Variants in POC1B observed in about 807,000 individuals in gnomAD.
POC1B encodes the protein POC1 centriolar protein homolog B.
POC1B carries 44 observed loss-of-function variants against 60.6 expected under a neutral mutation model. The observed-to-expected ratio is 0.73, with a 90% CI of 0.57 to 0.93. The LOEUF is 0.93. Among genes scored for constraint, POC1B ranks in the 40% least tolerant of loss-of-function variants. The pLI, the probability that POC1B is intolerant of heterozygous loss-of-function variation, is 0.00. For missense variants in POC1B, 555 were observed against 572.3 expected (o/e 0.97, Z 0.31); for synonymous variants, 180 against 198.9 (o/e 0.90, Z 0.80).
rs555480807 is a variant in POC1B, at chr12:89,421,055, G to A, written c.*98C>T. 3.3e-5 allele frequency: 29 copies of A among 877,058 alleles called. No homozygotes were observed. The South Asian group carries it at 5.2e-4, about 16-fold the overall frequency. 54.3% of individuals were successfully genotyped at this position (877,058 alleles called of 1,614,324 possible). A position where few individuals can be genotyped will look rare whatever the true frequency, so the allele number is the denominator to read the frequency against. On this transcript the variant is annotated 3_prime_UTR_variant, in exon 12 of 12. Coordinates refer to ENST00000313546, the MANE Select transcript of POC1B (RefSeq NM_172240.3). ...GAAATGCCATGATAAATAGCACATG[G>A]TTGTGTTGTATGGAGTATCTTGTAC...
At chr12:89,523,847 C>A in intron 2 of POC1B, 1 of 1,546,784 alleles carries the variant, frequency 6.5e-7, no homozygotes, top group African/African-American at 1.4e-5. Context: ...TCCAGCCAAC[C>A]GGAATTACAC....
chr12:89,503,895 C>G (rs1869750293), intron 2 of POC1B, among the ~76,000 whole-genome samples: 1 of 151,532 alleles, frequency 6.6e-6, no homozygotes, highest in African/African-American at 2.4e-5. Flanking sequence ...GCCGCCCTGT[C>G]TGAGAAGTGA....
chr12:89,419,602 A>G (rs1880447947), downstream of POC1B: 2 of 152,194 alleles, frequency 1.3e-5, no homozygotes, highest in Admixed American at 1.3e-4. Context: ...AGGGCCCAGG[A>G]AACTGTTTTG....
At chr12:89,443,826 GA>G (rs1436071104) in intron 10 of POC1B, among the ~76,000 whole-genome samples, 2 of 151,910 alleles carry the variant, frequency 1.3e-5, no homozygotes, top group African/African-American at 2.4e-5. Flanking sequence ...CTGGTTTTTT[GA>G]AAAGATCCAC....
intron 2 of POC1B, among the ~76,000 whole-genome samples, chr12:89,498,450 G>C (rs1388505589): frequency 6.6e-6 from 1 of 152,164 alleles, no homozygotes; most frequent in South Asian, 2.1e-4. Context: ...GGATTGTAGA[G>C]TGCTTAGAAA....
the POC1B span, among the ~76,000 whole-genome samples, chr12:89,414,689 A>T: frequency 6.6e-6 from 1 of 152,258 alleles, no homozygotes; most frequent in East Asian, 1.9e-4. Flanking sequence ...CTAGAGACCC[A>T]CCTGTTTTTA....
chr12:89,478,759 T>C (rs551517365), intron 4 of POC1B, among the ~76,000 whole-genome samples: 2 of 152,300 alleles, frequency 1.3e-5, no homozygotes, highest in South Asian at 2.1e-4. Flanking sequence ...CAAAATCTTT[T>C]CAATTCAGAT....
At chr12:89,469,928 T>C (rs10777166) in intron 7 of POC1B, among the ~76,000 whole-genome samples, 108,761 of 151,618 alleles carry the variant, frequency 0.72, 39,125 homozygotes, top group Middle Eastern at 0.82. Context: ...AGTGCAGTGG[T>C]GCAATCTCAG....
At chr12:89,409,941 C>T in the POC1B span, among the ~76,000 whole-genome samples, 1 of 152,194 alleles carries the variant, frequency 6.6e-6, no homozygotes, top group African/African-American at 2.4e-5. Context: ...GGGACTCCTC[C>T]CTATCTCATT....
At chr12:89,416,477 T>C (rs1291158074), downstream of POC1B, among the ~76,000 whole-genome samples, 1 of 152,182 alleles carries the variant, frequency 6.6e-6, no homozygotes, top group Non-Finnish European at 1.5e-5. Flanking sequence ...AAAGGAGGCA[T>C]GCTCGGAAAA....
intron 4 of POC1B, among the ~76,000 whole-genome samples, chr12:89,473,155 T>G (rs530300094): frequency 6.6e-6 from 1 of 152,332 alleles, no homozygotes; most frequent in African/African-American, 2.4e-5. Flanking sequence ...AGACTATATT[T>G]CAATTTTATT....
At chr12:89,480,013 ATATACACATG>A (rs1374790472) in intron 4 of POC1B, among the ~76,000 whole-genome samples, 2 of 152,184 alleles carry the variant, frequency 1.3e-5, no homozygotes, top group African/African-American at 4.8e-5. Flanking sequence ...GTAAGTTCTC[ATATACACATG>A]TATCTGCTTC....
intron 10 of POC1B, among the ~76,000 whole-genome samples, chr12:89,459,055 G>C (rs1303943478): frequency 6.6e-6 from 1 of 152,078 alleles, no homozygotes; most frequent in Non-Finnish European, 1.5e-5. Context: ...TTTTCTTACA[G>C]CTTCTAATGA....
At chr12:89,519,135 A>G (rs2135769425) in intron 2 of POC1B, among the ~76,000 whole-genome samples, 1 of 152,288 alleles carries the variant, frequency 6.6e-6, no homozygotes, top group South Asian at 2.1e-4. Context: ...CCAGGTGCCC[A>G]TTGCTTCCTT....
At chr12:89,522,731 AATAC>A in intron 2 of POC1B, 2 of 1,493,796 alleles carry the variant, frequency 1.3e-6, no homozygotes, top group Non-Finnish European at 1.8e-6. Flanking sequence ...GATAAAATAA[AATAC>A]AATCTTCACT....
At chr12:89,506,771 C>T (rs906764959) in intron 2 of POC1B, among the ~76,000 whole-genome samples, 2 of 152,080 alleles carry the variant, frequency 1.3e-5, no homozygotes, top group Non-Finnish European at 2.9e-5. Context: ...CAAAGCTGGC[C>T]CTGGGCCCAA....
At chr12:89,446,623 G>A (rs1340742145) in intron 10 of POC1B, among the ~76,000 whole-genome samples, 1 of 151,934 alleles carries the variant, frequency 6.6e-6, no homozygotes, top group Non-Finnish European at 1.5e-5. Flanking sequence ...AGTGGGGAGG[G>A]ATAGCATTAG....
intron 3 of POC1B, among the ~76,000 whole-genome samples, chr12:89,496,718 A>G (rs931473841): frequency 7.2e-5 from 11 of 152,210 alleles, no homozygotes; most frequent in African/African-American, 2.7e-4. Flanking sequence ...TTCTTTAACA[A>G]GAAAATTCTG....
intron 10 of POC1B, among the ~76,000 whole-genome samples, chr12:89,446,577 G>A (rs1051499053): frequency 6.6e-6 from 1 of 152,128 alleles, no homozygotes; most frequent in African/African-American, 2.4e-5. Flanking sequence ...ACAGGGTGGG[G>A]AACATCACAC....
Sources: allele counts gnomAD v4.1 joint callset (sites outside exome capture counted in the v4.1 genomes callset), GRCh38; gene constraint gnomAD v4.1.1; transcripts MANE v1.5; gene names NCBI Gene and HGNC (gene_info 2026-07-23, HGNC 2026-07-21).